Variants in KLRF1 observed in about 807,000 individuals in gnomAD.
KLRF1 encodes killer cell lectin like receptor F1.
A neutral mutation model predicts 30.7 loss-of-function variants in KLRF1; 27 were observed. That is an observed-to-expected ratio of 0.88 (90% confidence interval 0.65 to 1.21). KLRF1 has a LOEUF of 1.21. Among genes scored for constraint, KLRF1 ranks in the 50% most tolerant of loss-of-function variants. The pLI, the probability that KLRF1 is intolerant of heterozygous loss-of-function variation, is 0.00. For missense variants in KLRF1, 246 were observed against 259.3 expected, an observed-to-expected ratio of 0.95 and a Z score of 0.35; for synonymous variants, 92 against 89.3, an observed-to-expected ratio of 1.03 and a Z score of -0.17.
the KLRF1 span, among the ~76,000 whole-genome samples, chr12:9,806,750 C>T: frequency 7.2e-5 from 11 of 152,134 alleles, no homozygotes; most frequent in Non-Finnish European, 1.2e-4. Flanking sequence ...GGTGTAATCA[C>T]GGCTCATTGC....
the KLRF1 span, among the ~76,000 whole-genome samples, chr12:9,806,309 GTTGT>G: frequency 1.3e-5 from 2 of 151,920 alleles, no homozygotes; most frequent in Non-Finnish European, 2.9e-5. Context: ...CTAGCTGTAA[GTTGT>G]TTAAGTTCCA....
upstream of KLRF1, among the ~76,000 whole-genome samples, chr12:9,825,340 G>T (rs148839373): frequency 0.011 from 1,709 of 149,092 alleles, 33 homozygotes; most frequent in African/African-American, 0.039. Flanking sequence ...TGGACAGAAA[G>T]CCCAGAAATA....
chr12:9,840,246 GT>G (rs1867671543), intron 3 of KLRF1, among the ~76,000 whole-genome samples: 1 of 152,056 alleles, frequency 6.6e-6, no homozygotes, highest in Non-Finnish European at 1.5e-5. Flanking sequence ...TAATGAAAAT[GT>G]TCTAGAATGA....
chr12:9,818,822 G>C, the KLRF1 span, among the ~76,000 whole-genome samples: 1 of 152,132 alleles, frequency 6.6e-6, no homozygotes, highest in South Asian at 2.1e-4. Context: ...AGCAAGTGCA[G>C]GTAGCCAACT....
chr12:9,808,294 A>C, the KLRF1 span, among the ~76,000 whole-genome samples: 1 of 152,018 alleles, frequency 6.6e-6, no homozygotes, highest in Admixed American at 6.6e-5. Flanking sequence ...TTTTCCCCCA[A>C]TGTGTTTGTA....
At chr12:9,804,918 T>A in the KLRF1 span, among the ~76,000 whole-genome samples, 2 of 152,026 alleles carry the variant, frequency 1.3e-5, no homozygotes, top group African/African-American at 4.8e-5. Flanking sequence ...GTATATTAAA[T>A]TAATATATTT....
At chr12:9,805,941 A>T in the KLRF1 span, among the ~76,000 whole-genome samples, 3 of 151,790 alleles carry the variant, frequency 2.0e-5, no homozygotes, top group Non-Finnish European at 4.4e-5. Context: ...CCTAAAGTTT[A>T]GTTGAGTTTG....
the KLRF1 span, among the ~76,000 whole-genome samples, chr12:9,809,992 C>A: frequency 6.6e-6 from 1 of 152,058 alleles, no homozygotes; most frequent in Non-Finnish European, 1.5e-5. Context: ...GTTGATAAAT[C>A]TGCAAGAAAC....
intron 1 of KLRF1, among the ~76,000 whole-genome samples, chr12:9,829,516 G>T (rs902612070): frequency 6.6e-6 from 1 of 152,134 alleles, no homozygotes; most frequent in Non-Finnish European, 1.5e-5. Flanking sequence ...ACTTTGGAAG[G>T]CCGAGGCAGG....
At chr12:9,815,065 C>A in the KLRF1 span, among the ~76,000 whole-genome samples, 2 of 152,128 alleles carry the variant, frequency 1.3e-5, no homozygotes, top group African/African-American at 4.8e-5. Flanking sequence ...GATAATTACA[C>A]AACCGATGCA....
At chr12:9,843,586 G>C (rs915105502) in intron 5 of KLRF1, among the ~76,000 whole-genome samples, 2 of 152,120 alleles carry the variant, frequency 1.3e-5, no homozygotes, top group African/African-American at 4.8e-5. Flanking sequence ...GAGCAGAGTT[G>C]TGTCACTGAA....
chr12:9,839,056 T>C lies in KLRF1; in HGVS notation c.335-2756T>C, dbSNP rs74062776. Among the ~76,000 whole-genome samples, 1,296 of 152,202 alleles carry C rather than the reference T, an allele frequency of 8.5e-3. 17 individuals carry two copies. The highest frequency in any genetic ancestry group is 0.029 in the African/African-American group (1,202 of 41,544). On this transcript the variant is annotated intron_variant, in intron 3 of 5. Transcript: ENST00000617889. Reference sequence around the variant, plus strand: ...TAGATGAGGCCATGTGGATGGGCCTTACTCAGTTTGGGGTGCCACAGCTAA... The same window carrying C: ...TAGATGAGGCCATGTGGATGGGCCTCACTCAGTTTGGGGTGCCACAGCTAA...
chr12:9,828,685 A>G (rs975024518), intron 1 of KLRF1, among the ~76,000 whole-genome samples: 3 of 152,334 alleles, frequency 2.0e-5, no homozygotes, highest in South Asian at 4.1e-4. Flanking sequence ...TTCCACAAGT[A>G]TCATCCATCA....
intron 3 of KLRF1, among the ~76,000 whole-genome samples, chr12:9,837,846 G>A (rs992017210): frequency 6.6e-6 from 1 of 152,130 alleles, no homozygotes; most frequent in African/African-American, 2.4e-5. Flanking sequence ...GTTACATGTT[G>A]TCTGCTAATT....
rs1867774222 is a variant in KLRF1, at chr12:9,844,663, G to A, written c.*137G>A. ...TCTTCTCCCTTCTCCCTCCATCATC[G>A]ACACTGGTCTAGCCTCAGAGTAACC... is the stretch of plus-strand genomic sequence containing the variant. On this transcript the variant is annotated 3_prime_UTR_variant, in exon 6 of 6. Coordinates refer to ENST00000617889, the MANE Select transcript of KLRF1 (RefSeq NM_016523.3). 2 of 561,514 alleles carry A rather than the reference G, an allele frequency of 3.6e-6. No homozygotes were observed. Among genetic ancestry groups the A allele is most frequent in the Non-Finnish European group, 6.4e-6 (2 of 311,672 alleles). The allele number at this position is 561,514 out of a possible 1,614,324, so 34.8% of individuals were successfully genotyped here.
the KLRF1 span, among the ~76,000 whole-genome samples, chr12:9,800,968 A>T: frequency 6.6e-6 from 1 of 151,956 alleles, no homozygotes; most frequent in East Asian, 1.9e-4. Context: ...CACATGCATT[A>T]GCTATTTGTC....
the KLRF1 span, among the ~76,000 whole-genome samples, chr12:9,815,999 G>A: frequency 8.6e-3 from 1,316 of 152,280 alleles, 7 homozygotes; most frequent in Non-Finnish European, 0.013. Flanking sequence ...TGTATTTTTA[G>A]TAGAGATGGG....
chr12:9,829,583 A>G (rs1867364795), intron 1 of KLRF1, among the ~76,000 whole-genome samples: 1 of 152,020 alleles, frequency 6.6e-6, no homozygotes, highest in African/African-American at 2.4e-5. Context: ...CAAGACCCCC[A>G]TCTCTACAAA....
chr12:9,840,842 CT>C (rs1867684667), intron 3 of KLRF1, among the ~76,000 whole-genome samples: 1 of 152,062 alleles, frequency 6.6e-6, no homozygotes, highest in African/African-American at 2.4e-5. Flanking sequence ...TGCTTATACA[CT>C]GGTGGTGGAA....
Sources: allele counts gnomAD v4.1 joint callset (sites outside exome capture counted in the v4.1 genomes callset), GRCh38; gene constraint gnomAD v4.1.1; transcripts MANE v1.5; gene names NCBI Gene and HGNC (gene_info 2026-07-23, HGNC 2026-07-21).